TLCD4: variants seen among roughly 807,000 people sequenced by gnomAD.
TLCD4 encodes TLC domain containing 4, also known as TLC domain-containing protein 4.
Under a neutral mutation model 24.2 loss-of-function variants are expected in TLCD4, and 7 were observed. The ratio of observed to expected loss-of-function variants is 0.29; its 90% CI spans 0.16 to 0.54. TLCD4 has a LOEUF of 0.54. Among genes scored for constraint, TLCD4 ranks in the 20% least tolerant of loss-of-function variants. The probability of loss-of-function intolerance (pLI) is 0.95; values close to 1 mark genes in which losing one functional copy is unlikely to be tolerated. For missense variants in TLCD4, 259 were observed against 313.9 expected, an observed-to-expected ratio of 0.82 and a Z score of 1.32; for synonymous variants, 103 against 106.4, an observed-to-expected ratio of 0.97 and a Z score of 0.20.
chr1:95,148,222 C>T (rs184043350), intron 2 of TLCD4, among the ~76,000 whole-genome samples: 100 of 152,310 alleles, frequency 6.6e-4, no homozygotes, highest in African/African-American at 2.0e-3. Flanking sequence ...ATCTTCATAT[C>T]ATGATCCATT....
chr1:95,106,324 G>A, the TLCD4 span, among the ~76,000 whole-genome samples: 3 of 152,142 alleles, frequency 2.0e-5, no homozygotes, highest in Admixed American at 2.0e-4. Flanking sequence ...TTTAAAATCT[G>A]AGACTTTAAA....
intron 1 of TLCD4, among the ~76,000 whole-genome samples, chr1:95,123,782 TA>T (rs1406684804): frequency 1.3e-5 from 2 of 152,248 alleles, no homozygotes; most frequent in African/African-American, 4.8e-5. Flanking sequence ...AGTATACATA[TA>T]ACCATATTTC....
At chr1:95,146,734 A>G (rs772266215) in intron 2 of TLCD4, among the ~76,000 whole-genome samples, 3 of 152,110 alleles carry the variant, frequency 2.0e-5, no homozygotes, top group Admixed American at 6.6e-5. Context: ...AGGGCAGGGT[A>G]TTTGTTTTTC....
chr1:95,131,475 T>C (rs1457862267), intron 1 of TLCD4, among the ~76,000 whole-genome samples: 5 of 152,144 alleles, frequency 3.3e-5, no homozygotes, highest in East Asian at 1.9e-4. Context: ...CGTAAGAGCA[T>C]TGAGAAACAA....
chr1:95,118,086 A>C (rs1310823731), intron 1 of TLCD4: 1 of 152,310 alleles, frequency 6.6e-6, no homozygotes, highest in Non-Finnish European at 1.5e-5. Context: ...CGGGCGCATC[A>C]AGTGGGTAAG....
the TLCD4 span, among the ~76,000 whole-genome samples, chr1:95,107,240 G>A: frequency 2.6e-5 from 4 of 152,144 alleles, no homozygotes; most frequent in Admixed American, 6.6e-5. Flanking sequence ...TGGCTAACAC[G>A]GTGAAACCCT....
At chr1:95,147,357 A>T (rs1677382343) in intron 2 of TLCD4, among the ~76,000 whole-genome samples, 2 of 152,190 alleles carry the variant, frequency 1.3e-5, no homozygotes, top group South Asian at 4.1e-4. Flanking sequence ...TACAGGTGTG[A>T]GCCACCATGC....
At chr1:95,119,634 G>A (rs1484520869) in intron 1 of TLCD4, among the ~76,000 whole-genome samples, 1 of 152,132 alleles carries the variant, frequency 6.6e-6, no homozygotes, top group African/African-American at 2.4e-5. Flanking sequence ...GAGTGTTTCT[G>A]GCTCCTCAGA....
At chr1:95,097,949 G>T in the TLCD4 span, among the ~76,000 whole-genome samples, 1 of 152,312 alleles carries the variant, frequency 6.6e-6, no homozygotes, top group East Asian at 1.9e-4. Context: ...AAGAGCATCA[G>T]TAAGTGTATT....
intron 5 of TLCD4, 90 bp downstream of exon 5, chr1:95,151,509 T>C: frequency 2.0e-6 from 3 of 1,476,028 alleles, no homozygotes; most frequent in Admixed American, 2.2e-5. Flanking sequence ...ATACAATTCT[T>C]AGTTTTTAAA....
rs372929100 is a variant in TLCD4, at chr1:95,150,158, G to A, written c.246-50G>A. The A allele has an allele frequency of 6.3e-5, 99 of 1,562,376 alleles. No homozygotes were observed. The African/African-American group carries it at 1.0e-3, about 16-fold the overall frequency. Reference sequence around the variant, plus strand: ...AATCTCTATAGAAAAAAGAAGTAGCGGTCATCTACAATCTATATACTTTAA... The same window carrying A: ...AATCTCTATAGAAAAAAGAAGTAGCAGTCATCTACAATCTATATACTTTAA... On this transcript the variant is annotated intron_variant, in intron 3 of 6. Coordinates refer to ENST00000370203, the MANE Select transcript of TLCD4 (RefSeq NM_152487.3).
chr1:95,123,648 C>T (rs1034176280), intron 1 of TLCD4, among the ~76,000 whole-genome samples: 1 of 152,172 alleles, frequency 6.6e-6, no homozygotes, highest in Non-Finnish European at 1.5e-5. Context: ...GGGGGTAAGG[C>T]CCTCCAGACG....
In TLCD4 at chr1:95,192,571, T is replaced by A. The variant is rs1209368442; in HGVS notation, c.*703T>A. 1 of 152,234 alleles carries A rather than the reference T, an allele frequency of 6.6e-6. No homozygotes were observed. The highest frequency in any genetic ancestry group is 1.5e-5 in the Non-Finnish European group (1 of 68,042). The allele number at this position is 152,234 out of a possible 1,614,324, so 9.4% of individuals were successfully genotyped here. A position where few individuals can be genotyped will look rare whatever the true frequency, so the allele number is the denominator to read the frequency against. The stretch of plus-strand genomic sequence containing the variant: ...AACTGCTTTTAAATCTGTAAATAGC[T>A]CTTAACATTTGTTGTATGCACTCTT... On this transcript the variant is annotated 3_prime_UTR_variant, in exon 7 of 7. Transcript: ENST00000370203.
chr1:95,187,368 A>G (rs1386575440), intron 6 of TLCD4, among the ~76,000 whole-genome samples: 10 of 152,138 alleles, frequency 6.6e-5, no homozygotes, highest in African/African-American at 2.4e-4. Flanking sequence ...CACTACATTT[A>G]GTTTCATGTC....
intron 1 of TLCD4, among the ~76,000 whole-genome samples, chr1:95,122,767 TA>T (rs1451898799): frequency 6.6e-6 from 1 of 152,248 alleles, no homozygotes; most frequent in Non-Finnish European, 1.5e-5. Context: ...AATTTAACTT[TA>T]AAATTTTGGG....
At chr1:95,153,365 T>A (rs545992609) in intron 5 of TLCD4, among the ~76,000 whole-genome samples, 1 of 152,142 alleles carries the variant, frequency 6.6e-6, no homozygotes, top group South Asian at 2.1e-4. Context: ...TGAAACAAAG[T>A]TAGGAAGGAG....
In TLCD4 at chr1:95,128,558, C is replaced by T. The variant is rs371066547; in HGVS notation, c.-12+10941C>T. ...TGGATACCAGTGGGAGAAATGATTT[C>T]TTGGAACAGCAGGAATTTTCAGGGA... is the stretch of plus-strand genomic sequence containing the variant. On this transcript the variant is annotated intron_variant, in intron 1 of 6. Coordinates refer to ENST00000370203, the MANE Select transcript of TLCD4 (RefSeq NM_152487.3). 3.9e-5 allele frequency among the ~76,000 whole-genome samples: 6 copies of T among 152,280 alleles called. No individual in the cohort carries two copies. In the East Asian group the frequency reaches 1.2e-3, roughly 29 times the overall value.
At chr1:95,141,792 TACACACACACACACAC>T (rs3075917) in intron 1 of TLCD4, among the ~76,000 whole-genome samples, 49 of 138,592 alleles carry the variant, frequency 3.5e-4, no homozygotes, top group Admixed American at 8.1e-4. Context: ...TTTTACCAAG[TACACACACACACACAC>T]ACACACACAC....
chr1:95,098,892 C>T, the TLCD4 span, among the ~76,000 whole-genome samples: 77,305 of 151,154 alleles, frequency 0.51, 21,226 homozygotes, highest in Non-Finnish European at 0.6. Flanking sequence ...TGGAGAAACC[C>T]GGTCTCTCTA....
Sources: gnomAD v4.1 joint callset for allele counts (sites outside exome capture counted in the v4.1 genomes callset) on GRCh38, gnomAD v4.1.1 for gene constraint, MANE v1.5 for transcripts, NCBI Gene and HGNC (gene_info 2026-07-23, HGNC 2026-07-21) for gene names.